EYS: variants seen among roughly 807,000 people sequenced by gnomAD.
EYS encodes EGF-like photoreceptor maintenance factor, also known as protein eyes shut homolog.
In EYS, 250 loss-of-function variants were observed where a neutral mutation model predicts 282.1. The ratio of observed to expected loss-of-function variants is 0.89; its 90% CI spans 0.80 to 0.98. The LOEUF (loss-of-function observed/expected upper bound fraction) is 0.98. Ranked by LOEUF, EYS falls within the 50% of genes least tolerant of loss-of-function variation. The pLI, the probability that EYS is intolerant of heterozygous loss-of-function variation, is 0.00. For synonymous variants in EYS, 1,355 were observed against 1,282.9 expected, an observed-to-expected ratio of 1.06 and a Z score of -1.20; for missense variants, 4,016 against 3,709.0, an observed-to-expected ratio of 1.08 and a Z score of -2.15.
chr6:65,222,330 A>T (rs1168472716), intron 12 of EYS, among the ~76,000 whole-genome samples: 1 of 152,106 alleles, frequency 6.6e-6, no homozygotes, highest in Non-Finnish European at 1.5e-5. Context: ...CAATTGAATC[A>T]TGGGGGTGGG....
intron 11 of EYS, among the ~76,000 whole-genome samples, chr6:65,319,524 T>G (rs575380231): frequency 6.6e-6 from 1 of 152,252 alleles, no homozygotes; most frequent in African/African-American, 2.4e-5. Flanking sequence ...ATACTTGGCC[T>G]TACTTCTTAT....
At chr6:64,877,356 G>T (rs1766780246) in intron 19 of EYS, among the ~76,000 whole-genome samples, 1 of 152,120 alleles carries the variant, frequency 6.6e-6, no homozygotes, top group South Asian at 2.1e-4. Context: ...TATGAGTTGA[G>T]AGTTCAGGGG....
intron 26 of EYS, among the ~76,000 whole-genome samples, chr6:64,458,671 T>C (rs1162948388): frequency 1.3e-5 from 2 of 151,002 alleles, no homozygotes; most frequent in Admixed American, 1.3e-4. Flanking sequence ...TTGGATTGAA[T>C]CTGATTTTTT....
At chr6:63,886,905 T>C (rs1773274653) in intron 35 of EYS, among the ~76,000 whole-genome samples, 1 of 152,234 alleles carries the variant, frequency 6.6e-6, no homozygotes, top group South Asian at 2.1e-4. Flanking sequence ...AATCTGAGTA[T>C]AGAAAATGAG....
chr6:64,435,851 C>T (rs2150463581), intron 28 of EYS, among the ~76,000 whole-genome samples: 1 of 151,920 alleles, frequency 6.6e-6, no homozygotes, highest in Non-Finnish European at 1.5e-5. Flanking sequence ...ATTTTCTACA[C>T]TGAATATAAT....
intron 9 of EYS, among the ~76,000 whole-genome samples, chr6:65,344,487 C>T (rs936795550): frequency 3.3e-5 from 5 of 151,110 alleles, no homozygotes; most frequent in Non-Finnish European, 3.0e-5. Flanking sequence ...GATGGTAGAA[C>T]GATAAAAAGA....
chr6:64,456,251 A>G (rs1467780768), intron 26 of EYS, among the ~76,000 whole-genome samples: 1 of 152,136 alleles, frequency 6.6e-6, no homozygotes, highest in Non-Finnish European at 1.5e-5. Context: ...TAATGTATTG[A>G]TTAAGAATCA....
intron 29 of EYS, among the ~76,000 whole-genome samples, chr6:64,316,612 C>T (rs1769975845): frequency 6.6e-6 from 1 of 152,036 alleles, no homozygotes; most frequent in South Asian, 2.1e-4. Context: ...TAGGAAGAAT[C>T]AGTATTCTAA....
rs543044595 is a variant in EYS, at chr6:64,011,444, TG to T, written c.6726-12262del. On this transcript the variant is annotated intron_variant, in intron 33 of 42. Coordinates refer to ENST00000503581, the MANE Select transcript of EYS (RefSeq NM_001142800.2). ...ACCAAGCCATTTGGAAGTGCCTTCATGATTTTGCAGTCTTTAAATTTGGAAG... is the reference window on the plus strand; with the variant it reads ...ACCAAGCCATTTGGAAGTGCCTTCATATTTTGCAGTCTTTAAATTTGGAAG... Among the ~76,000 whole-genome samples, 289 of 152,312 alleles carry T rather than the reference TG, an allele frequency of 1.9e-3. 1 individual carries two copies. Among genetic ancestry groups the T allele is most frequent in the African/African-American group, 6.6e-3 (276 of 41,566 alleles).
intron 31 of EYS, among the ~76,000 whole-genome samples, chr6:64,200,594 G>A (rs1021855027): frequency 2.6e-5 from 4 of 152,124 alleles, no homozygotes; most frequent in Non-Finnish European, 5.9e-5. Context: ...TTGGAAATGA[G>A]TGTCAGACTC....
At chr6:64,806,064 A>T (rs1242099766) in intron 22 of EYS, among the ~76,000 whole-genome samples, 1 of 151,668 alleles carries the variant, frequency 6.6e-6, no homozygotes. Flanking sequence ...GAATACATTA[A>T]AAAATCAAAA....
At chr6:63,751,957 G>A (rs76473809) in intron 41 of EYS, among the ~76,000 whole-genome samples, 1,834 of 152,230 alleles carry the variant, frequency 0.012, 30 homozygotes, top group African/African-American at 0.042. Context: ...TTACAAAATC[G>A]CATGATTGTT....
At chr6:65,331,016 C>A (rs559500435) in intron 11 of EYS, 1 of 984,082 alleles carries the variant, frequency 1.0e-6, no homozygotes, top group African/African-American at 1.8e-5. Flanking sequence ...CTCTGTTGAC[C>A]CATTATTATT....
chr6:64,208,169 C>T (rs2150325986), intron 31 of EYS, among the ~76,000 whole-genome samples: 1 of 152,264 alleles, frequency 6.6e-6, no homozygotes, highest in Middle Eastern at 3.4e-3. Flanking sequence ...TTCATGTGTT[C>T]CACAAAATCA....
chr6:65,584,901 A>T (rs1479717915), intron 2 of EYS, among the ~76,000 whole-genome samples: 2 of 150,250 alleles, frequency 1.3e-5, no homozygotes, highest in African/African-American at 4.9e-5. Flanking sequence ...TATATATTAT[A>T]TATATATATA....
chr6:64,081,413 C>T (rs903341892), intron 32 of EYS, among the ~76,000 whole-genome samples: 3 of 151,664 alleles, frequency 2.0e-5, no homozygotes, highest in Non-Finnish European at 4.4e-5. Context: ...AAAAAAAAAC[C>T]AGCTTATATC....
chr6:65,436,333 A>T (rs1166561910), intron 5 of EYS, among the ~76,000 whole-genome samples: 2 of 152,096 alleles, frequency 1.3e-5, no homozygotes, highest in Non-Finnish European at 2.9e-5. Context: ...TTTTTTCATC[A>T]TTTTTAAGGG....
chr6:63,860,179 G>T (rs1023570223), intron 36 of EYS, among the ~76,000 whole-genome samples: 3 of 152,132 alleles, frequency 2.0e-5, no homozygotes, highest in African/African-American at 7.2e-5. Context: ...GATGGCTTGG[G>T]ATATCACCTC....
At chr6:64,204,480 T>G (rs1218030347) in intron 31 of EYS, among the ~76,000 whole-genome samples, 1 of 152,088 alleles carries the variant, frequency 6.6e-6, no homozygotes, top group Non-Finnish European at 1.5e-5. Flanking sequence ...GTGTCCATCA[T>G]TAGGAATGGG....
Sources: gnomAD v4.1 joint callset for allele counts (sites outside exome capture counted in the v4.1 genomes callset) on GRCh38, gnomAD v4.1.1 for gene constraint, MANE v1.5 for transcripts, NCBI Gene and HGNC (gene_info 2026-07-23, HGNC 2026-07-21) for gene names.